KCNIP4: variants seen among roughly 807,000 people sequenced by gnomAD.
The protein encoded by KCNIP4 is Kv channel-interacting protein 4.
Under a neutral mutation model 34.0 loss-of-function variants are expected in KCNIP4, and 12 were observed. The observed-to-expected ratio is 0.35, with a 90% confidence interval of 0.23 to 0.57. The LOEUF (loss-of-function observed/expected upper bound fraction) is 0.57. KCNIP4 is among the 20% of genes least tolerant of loss of function. The probability of loss-of-function intolerance (pLI) is 0.83; values close to 1 mark genes in which losing one functional copy is unlikely to be tolerated. For synonymous variants in KCNIP4, 124 were observed against 102.2 expected (o/e 1.21, Z -1.29); for missense variants, 238 against 311.7 (o/e 0.76, Z 1.78).
chr4:21,931,281 A>C (rs1729550183), intron 1 of KCNIP4, among the ~76,000 whole-genome samples: 1 of 150,090 alleles, frequency 6.7e-6, no homozygotes, highest in Non-Finnish European at 1.5e-5. Flanking sequence ...TTTTTTTTAA[A>C]TTATACTTTA....
At chr4:21,405,469 A>G (rs562740575) in intron 1 of KCNIP4, among the ~76,000 whole-genome samples, 22 of 152,232 alleles carry the variant, frequency 1.4e-4, no homozygotes, top group African/African-American at 4.8e-4. Flanking sequence ...TTTCTTTCCT[A>G]TTATTGGAGC....
rs149523940 is a variant in KCNIP4, at chr4:21,185,935, A to G, written c.62-303226T>C. ...CTGCTTTATTTCTGACCCCTTAACT[A>G]CAGTGTTTCTTGTTCAATGCTGAGT... is the stretch of plus-strand genomic sequence containing the variant. On this transcript the variant is annotated intron_variant, in intron 1 of 8. Coordinates refer to ENST00000382152, the MANE Select transcript of KCNIP4 (RefSeq NM_025221.6). 2.6e-4 allele frequency among the ~76,000 whole-genome samples: 39 copies of G among 152,282 alleles called. 1 individual carries two copies. In the East Asian group the frequency reaches 5.8e-3, roughly 23 times the overall value.
At chr4:21,413,745 C>G (rs2109598264) in intron 1 of KCNIP4, among the ~76,000 whole-genome samples, 1 of 152,326 alleles carries the variant, frequency 6.6e-6, no homozygotes, top group African/African-American at 2.4e-5. Flanking sequence ...AGCTCCTTTA[C>G]CCTGGTTCTT....
At chr4:20,742,581 A>G (rs930732410) in intron 5 of KCNIP4, among the ~76,000 whole-genome samples, 8 of 152,062 alleles carry the variant, frequency 5.3e-5, no homozygotes, top group African/African-American at 1.9e-4. Flanking sequence ...AATAAGAGCT[A>G]TTTATGGCAA....
In KCNIP4 at chr4:21,456,059, G is replaced by A. The variant is rs536945049; in HGVS notation, c.61+492512C>T. On this transcript the variant is annotated intron_variant, in intron 1 of 8. Transcript: ENST00000382152. ...TGCCTCATTATCTGTTGCTTAATAC[G>A]AAGAGAAGAAAACCCACCCCATTTT... Among the ~76,000 whole-genome samples, 23 of 145,642 alleles carry A rather than the reference G, an allele frequency of 1.6e-4. 4 individuals carry two copies. Among genetic ancestry groups the A allele is most frequent in the African/African-American group, 5.7e-4 (21 of 36,682 alleles).
At chr4:20,793,481 A>C (rs769017755) in intron 3 of KCNIP4, among the ~76,000 whole-genome samples, 8 of 152,102 alleles carry the variant, frequency 5.3e-5, no homozygotes, top group Non-Finnish European at 4.4e-5. Context: ...GATTGTATTG[A>C]TGATTTCATG....
intron 1 of KCNIP4, among the ~76,000 whole-genome samples, chr4:21,135,556 A>T (rs1751438564): frequency 6.6e-6 from 1 of 152,210 alleles, no homozygotes; most frequent in South Asian, 2.1e-4. Flanking sequence ...CCTACTGAGG[A>T]TTATTAACTT....
At chr4:21,145,562 C>T (rs1219996853) in intron 1 of KCNIP4, among the ~76,000 whole-genome samples, 1 of 152,194 alleles carries the variant, frequency 6.6e-6, no homozygotes, top group African/African-American at 2.4e-5. Context: ...TTTCAGAGTG[C>T]AACAGAGTCC....
intron 3 of KCNIP4, among the ~76,000 whole-genome samples, chr4:20,835,742 T>TTAGTA (rs1267543025): frequency 6.6e-6 from 1 of 152,124 alleles, no homozygotes; most frequent in East Asian, 1.9e-4. Flanking sequence ...TTTTGATTAC[T>TTAGTA]AATTCTTAAC....
In KCNIP4 at chr4:20,779,587, C is replaced by CCCA. The variant is rs1553894976; in HGVS notation, c.289-20698_289-20697insTGG. Among the ~76,000 whole-genome samples the CCCA allele has an allele frequency of 2.6e-3, 329 of 127,612 alleles. 5 individuals carry two copies. The highest frequency in any genetic ancestry group is 0.012 in the Middle Eastern group (3 of 242). The allele number at this position is 127,612 out of a possible 152,430, so 83.7% of individuals were successfully genotyped here. A position where few individuals can be genotyped will look rare whatever the true frequency, so the allele number is the denominator to read the frequency against. On this transcript the variant is annotated intron_variant, in intron 3 of 8. Coordinates refer to ENST00000382152, the MANE Select transcript of KCNIP4 (RefSeq NM_025221.6). ...CCCCCTGCCCCACAACCCCCCCCCC[C>CCCA]CACACAAAAAAGAAATGAAAACAAA...
chr4:21,554,721 T>G (rs1354919155), intron 1 of KCNIP4, among the ~76,000 whole-genome samples: 1 of 152,068 alleles, frequency 6.6e-6, no homozygotes, highest in African/African-American at 2.4e-5. Context: ...CACTCACACT[T>G]CCTCCATGCT....
intron 1 of KCNIP4, among the ~76,000 whole-genome samples, chr4:20,959,825 G>A (rs1733678502): frequency 6.6e-6 from 1 of 152,190 alleles, no homozygotes; most frequent in Non-Finnish European, 1.5e-5. Context: ...TTTCACAGCT[G>A]TGTAACCTTG....
At chr4:21,799,393 A>G (rs62301363) in intron 1 of KCNIP4, among the ~76,000 whole-genome samples, 14 of 152,176 alleles carry the variant, frequency 9.2e-5, no homozygotes, top group Admixed American at 2.0e-4. Context: ...TATTACCAAC[A>G]TTTTAAAAGA....
chr4:21,496,878 C>T (rs988047286), intron 1 of KCNIP4, among the ~76,000 whole-genome samples: 1 of 152,120 alleles, frequency 6.6e-6, no homozygotes, highest in Admixed American at 6.5e-5. Context: ...AGTTTCATCC[C>T]CAAACCATCC....
rs1553928618 is a variant in KCNIP4, at chr4:21,025,559, T to TTTTTTG, written c.62-142851_62-142850insCAAAAA. Among the ~76,000 whole-genome samples, 222 of 122,858 alleles carry TTTTTTG rather than the reference T, an allele frequency of 1.8e-3. 13 individuals carry two copies. The highest frequency in any genetic ancestry group is 3.3e-3 in the Non-Finnish European group (197 of 59,992). 80.6% of individuals were successfully genotyped at this position (122,858 alleles called of 152,430 possible). On this transcript the variant is annotated intron_variant, in intron 1 of 8. Coordinates refer to ENST00000382152, the MANE Select transcript of KCNIP4 (RefSeq NM_025221.6). Reference sequence around the variant, plus strand: ...ATTGATACTGTTTTTTTTTTTTTTTTTTTTTTTTTTTTGAGACGGAGTCTC... The same window carrying TTTTTTG: ...ATTGATACTGTTTTTTTTTTTTTTTTTTTTTGTTTTTTTTTTTTGAGACGGAGTCTC...
rs189075931 is a variant in KCNIP4 at position 21,508,367 on chromosome 4, G to T, written c.61+440204C>A. Among the ~76,000 whole-genome samples the T allele has an allele frequency of 5.1e-4, 78 of 152,250 alleles. No individual in the cohort carries two copies. The East Asian group carries it at 9.3e-3, about 18-fold the overall frequency. Reference sequence around the variant, plus strand: ...AAAACACGTAGACAAACAACTCAGGGTTCCAAGCTCACCGGAAATATAATT... The same window carrying T: ...AAAACACGTAGACAAACAACTCAGGTTTCCAAGCTCACCGGAAATATAATT... On this transcript the variant is annotated intron_variant, in intron 1 of 8. Coordinates refer to ENST00000382152, the MANE Select transcript of KCNIP4 (RefSeq NM_025221.6).
intron 1 of KCNIP4, among the ~76,000 whole-genome samples, chr4:21,509,445 C>T (rs890756299): frequency 6.6e-6 from 1 of 152,138 alleles, no homozygotes; most frequent in Non-Finnish European, 1.5e-5. Flanking sequence ...AATTCCTTTG[C>T]TTGTTGGGAT....
chr4:21,143,709 CTTTT>C (rs57796174), intron 1 of KCNIP4, among the ~76,000 whole-genome samples: 4 of 147,134 alleles, frequency 2.7e-5, no homozygotes, highest in African/African-American at 1.0e-4. Flanking sequence ...ATCACAGTTT[CTTTT>C]TTTTTTTTGA....
intron 1 of KCNIP4, among the ~76,000 whole-genome samples, chr4:21,888,151 C>T (rs531169542): frequency 5.3e-5 from 8 of 152,250 alleles, no homozygotes; most frequent in African/African-American, 1.7e-4. Context: ...TGACTTACCC[C>T]AAGGTCTCAC....
Sources: gnomAD v4.1 joint callset for allele counts (sites outside exome capture counted in the v4.1 genomes callset) on GRCh38, gnomAD v4.1.1 for gene constraint, MANE v1.5 for transcripts, NCBI Gene and HGNC (gene_info 2026-07-23, HGNC 2026-07-21) for gene names.